Variants in ITPRIPL1 observed in about 807,000 individuals in gnomAD.
ITPRIPL1 encodes the protein ITPRIP like 1, also known as inositol 1,4,5-trisphosphate receptor-interacting protein-like 1.
In ITPRIPL1, 28 loss-of-function variants were observed where a neutral mutation model predicts 40.0. That is an observed-to-expected ratio of 0.70 (90% confidence interval 0.52 to 0.96). The LOEUF (loss-of-function observed/expected upper bound fraction) is 0.96, where lower values mean the gene tolerates loss of function less well. Among genes scored for constraint, ITPRIPL1 ranks in the 40% least tolerant of loss-of-function variants. ITPRIPL1 has a pLI of 0.00. For missense variants in ITPRIPL1, 638 were observed against 698.0 expected (o/e 0.91, Z 0.97); for synonymous variants, 251 against 275.7 (o/e 0.91, Z 0.89).
downstream of ITPRIPL1, chr2:96,328,904 G>C (rs961701700): frequency 6.6e-6 from 1 of 152,288 alleles, no homozygotes; most frequent in African/African-American, 2.4e-5. Flanking sequence ...GGGGGGCCGA[G>C]GTGGGTGTAT....
In ITPRIPL1 at chr2:96,326,928, T is replaced by C. The variant is rs758590771; in HGVS notation, c.297T>C (p.Asp99=). The change falls in exon 3 of 3, where the codon GAT becomes GAC. Residue 99 remains aspartate (D), a synonymous_variant. Coordinates refer to ENST00000439118, the MANE Select transcript of ITPRIPL1 (RefSeq NM_001008949.3). ...ACATGGGGTGGCCGTTCCAGGCCGA[T>C]GGCCAGGAAGGGCCTCTGGGCTGGA... ...KKDMGWPFQA[D]GQEGPLGWML... The C allele has an allele frequency of 4.3e-6, 7 of 1,614,212 alleles. No homozygotes were observed. In the East Asian group the frequency reaches 6.7e-5, roughly 15 times the overall value.
chr2:96,325,845 T>C lies in ITPRIPL1; in HGVS notation c.6T>C (p.Asn2=), dbSNP rs1454079055. M[N]VDAEASMAVI... is the part of the protein sequence containing the mutation. ...TCCACACGGCATAGTCCTTCATGAA[T>C]GTTGGTAAGCGCGGTAGCTTGTGAA... The change falls in exon 2 of 3, where the codon AAT becomes AAC. Residue 2 remains asparagine (N), a synonymous_variant. Transcript: ENST00000439118. 1.2e-6 allele frequency: 2 copies of C among 1,613,532 alleles called. No individual in the cohort carries two copies. The highest frequency in any genetic ancestry group is 1.7e-6 in the Non-Finnish European group (2 of 1,179,738).
chr2:96,327,781 C>T lies in ITPRIPL1; in HGVS notation c.1150C>T (p.Pro384Ser). Residue 384 changes from proline (P) to serine (S), a missense_variant, in exon 3 of 3, where the codon CCT becomes TCT. By Grantham distance (74) the Pro-to-Ser change is moderately conservative. Coordinates refer to ENST00000439118, the MANE Select transcript of ITPRIPL1 (RefSeq NM_001008949.3). ...CTTGGTCTACCTGGTGAGTCAGGCT[C>T]CTGACCAGGAGCAGCTCACCAGTGT... Reference protein sequence around the residue: ...DTLVYLVSQAPDQEQLTSVDW... With the variant: ...DTLVYLVSQASDQEQLTSVDW... 1.2e-6 allele frequency: 2 copies of T among 1,614,176 alleles called. No homozygotes were observed. The highest frequency in any genetic ancestry group is 1.7e-6 in the Non-Finnish European group (2 of 1,180,010).
chr2:96,326,802 G>A lies in ITPRIPL1; in HGVS notation c.171G>A (p.Met57Ile), dbSNP rs776156628. The change falls in exon 3 of 3, where the codon ATG becomes ATA. Residue 57 changes from methionine to isoleucine, a missense_variant. Coordinates refer to ENST00000439118, the MANE Select transcript of ITPRIPL1 (RefSeq NM_001008949.3). ...GTGAGGAGATGCGCCTGCTAGAGATGGAGTTTGAAGAGAGAAAGCGAGCCG... is the reference window on the plus strand; with the variant it reads ...GTGAGGAGATGCGCCTGCTAGAGATAGAGTTTGAAGAGAGAAAGCGAGCCG... Reference protein sequence around the residue: ...RMSEEMRLLEMEFEERKRAAE... With the variant: ...RMSEEMRLLEIEFEERKRAAE... 4.5e-5 allele frequency: 72 copies of A among 1,614,092 alleles called. No individual in the cohort carries two copies. Among genetic ancestry groups the A allele is most frequent in the Non-Finnish European group, 5.9e-5 (70 of 1,180,052 alleles).
Position 96,328,200 on chromosome 2 carries a change from G to A in ITPRIPL1, c.1569G>A (p.Val523=), listed in dbSNP as rs753159859. 3 of 1,614,080 alleles carry A rather than the reference G, an allele frequency of 1.9e-6. No individual in the cohort carries two copies. Among genetic ancestry groups the A allele is most frequent in the Non-Finnish European group, 2.5e-6 (3 of 1,180,010 alleles). Reference sequence around the variant, plus strand: ...CGGTCAATCTCTTCCAACACCTGGTGCTCAACCCCAAGGCACATTCACAGG... The same window carrying A: ...CGGTCAATCTCTTCCAACACCTGGTACTCAACCCCAAGGCACATTCACAGG... ...AEPVNLFQHL[V]LNPKAHSQAV... The change falls in exon 3 of 3, where the codon GTG becomes GTA. Residue 523 remains valine, a synonymous_variant. Coordinates refer to ENST00000439118, the MANE Select transcript of ITPRIPL1 (RefSeq NM_001008949.3).
Position 96,328,327 on chromosome 2 carries a change from G to T in ITPRIPL1, c.*28G>T. On this transcript the variant is annotated 3_prime_UTR_variant, in exon 3 of 3. Coordinates refer to ENST00000439118, the MANE Select transcript of ITPRIPL1 (RefSeq NM_001008949.3). ...TAAAGACCATTAAAAAAAAAACAGA[G>T]GAAGGTATTTCTAATTCCTTGGGCT... 6.4e-7 allele frequency: 1 copy of T among 1,568,178 alleles called. No individual in the cohort carries two copies. The highest frequency in any genetic ancestry group is 1.2e-5 in the South Asian group (1 of 84,046).
chr2:96,326,175 A>G (rs1319309364), intron 2 of ITPRIPL1: 15 of 1,469,256 alleles, frequency 1.0e-5, no homozygotes, highest in Non-Finnish European at 1.4e-5. Flanking sequence ...TCACAGAGGA[A>G]GTGGAATGCT....
In ITPRIPL1 at chr2:96,327,957, C is replaced by T; in HGVS notation, c.1326C>T (p.Pro442=). The T allele has an allele frequency of 6.2e-7, 1 of 1,614,140 alleles. No individual in the cohort carries two copies. The highest frequency in any genetic ancestry group is 1.7e-5 in the Admixed American group (1 of 60,012). The stretch of plus-strand genomic sequence containing the variant: ...GCTTACCCCATGGAGCATCCCGCCC[C>T]ATCCTCACTTCTTACCATTTTAAAA... ...HQSLPHGASR[P]ILTSYHFKTA... is the part of the protein sequence containing the mutation. The change falls in exon 3 of 3, where the codon CCC becomes CCT. Residue 442 remains proline (P), a synonymous_variant. Transcript: ENST00000439118.
Position 96,327,255 on chromosome 2 carries a change from G to T in ITPRIPL1, c.624G>T (p.Glu208Asp). ...CCTGTCGGGTGCTCAGCCGCCAAGA[G>T]GCTCACCCACAATTGGAAGACTGCC... Reference protein sequence around the residue: ...IEACRVLSRQEAHPQLEDCLG... With the variant: ...IEACRVLSRQDAHPQLEDCLG... Residue 208 changes from glutamate (E) to aspartate (D), a missense_variant, in exon 3 of 3, where the codon GAG becomes GAT. Transcript: ENST00000439118. 1 of 1,614,128 alleles carries T rather than the reference G, an allele frequency of 6.2e-7. No individual in the cohort carries two copies. Among genetic ancestry groups the T allele is most frequent in the South Asian group, 1.1e-5 (1 of 91,080 alleles).
chr2:96,329,156 TATATATATATATATATATA>T, downstream of ITPRIPL1: 1 of 30,044 alleles, frequency 3.3e-5, no homozygotes, highest in Non-Finnish European at 6.3e-5. Flanking sequence ...AAATTATATA[TATATATATATATATATATA>T]TATATATATA....
At chr2:96,326,298 T>A in intron 2 of ITPRIPL1, 1 of 1,454,224 alleles carries the variant, frequency 6.9e-7, no homozygotes, top group Non-Finnish European at 9.1e-7. Flanking sequence ...CATGGTTGAC[T>A]GAGGAGTCGG....
At chr2:96,325,691 G>C (rs2064099368) in intron 1 of ITPRIPL1, 56 bp from the exon 2 acceptor site, 1 of 734,096 alleles carries the variant, frequency 1.4e-6, no homozygotes, top group African/African-American at 1.7e-5. Context: ...TGAATGGGGG[G>C]AGGGTCGGGT....
downstream of ITPRIPL1, chr2:96,329,324 C>T (rs1290217864): frequency 2.0e-5 from 3 of 151,144 alleles, no homozygotes; most frequent in African/African-American, 7.3e-5. Flanking sequence ...TCAATAGTAA[C>T]CTGTCTCATA....
In ITPRIPL1 at chr2:96,328,197, G is replaced by A; in HGVS notation, c.1566G>A (p.Leu522=). 1 of 1,614,016 alleles carries A rather than the reference G, an allele frequency of 6.2e-7. No homozygotes were observed. The highest frequency in any genetic ancestry group is 8.5e-7 in the Non-Finnish European group (1 of 1,180,022). Residue 522 remains leucine, a synonymous_variant, in exon 3 of 3, where the codon CTG becomes CTA. Coordinates refer to ENST00000439118, the MANE Select transcript of ITPRIPL1 (RefSeq NM_001008949.3). ...NAEPVNLFQH[L]VLNPKAHSQA... ...AGCCGGTCAATCTCTTCCAACACCT[G>A]GTGCTCAACCCCAAGGCACATTCAC...
rs536363307 is a variant in ITPRIPL1, at chr2:96,325,343, G to A, written c.-316G>A. On this transcript the variant is annotated 5_prime_UTR_variant, in exon 1 of 3. Transcript: ENST00000439118. The stretch of plus-strand genomic sequence containing the variant: ...GACGGCGGGAGCGGCTGCGGCGCGC[G>A]GGCGCCCTCGGAGCCGCGTGCTGGG... 1 of 156,968 alleles carries A rather than the reference G, an allele frequency of 6.4e-6. No homozygotes were observed. The highest frequency in any genetic ancestry group is 1.4e-5 in the Non-Finnish European group (1 of 71,078). 9.7% of individuals were successfully genotyped at this position (156,968 alleles called of 1,614,324 possible).
At chr2:96,329,712 T>G (rs985269067), downstream of ITPRIPL1, 1 of 152,162 alleles carries the variant, frequency 6.6e-6, no homozygotes, top group Non-Finnish European at 1.5e-5. Context: ...TCTAGAGATA[T>G]AATTGGTGTA....
chr2:96,326,114 T>C, intron 2 of ITPRIPL1: 1 of 1,433,900 alleles, frequency 7.0e-7, no homozygotes, highest in South Asian at 1.2e-5. Context: ...AGGGAGAGGC[T>C]GAGTGATGAG....
chr2:96,328,312 T>C lies in ITPRIPL1; in HGVS notation c.*13T>C, dbSNP rs764428654. On this transcript the variant is annotated 3_prime_UTR_variant, in exon 3 of 3. Transcript: ENST00000439118. ...TGCAGCACCTTGATGTAAAGACCATTAAAAAAAAAACAGAGGAAGGTATTT... is the reference window on the plus strand; with the variant it reads ...TGCAGCACCTTGATGTAAAGACCATCAAAAAAAAAACAGAGGAAGGTATTT... The C allele has an allele frequency of 7.3e-7, 1 of 1,363,694 alleles. No individual in the cohort carries two copies. Among genetic ancestry groups the C allele is most frequent in the Non-Finnish European group, 9.9e-7 (1 of 1,013,326 alleles). The allele number at this position is 1,363,694 out of a possible 1,614,324, so 84.5% of individuals were successfully genotyped here.
downstream of ITPRIPL1, chr2:96,328,786 G>A (rs1225487013): frequency 6.5e-6 from 1 of 153,148 alleles, no homozygotes; most frequent in African/African-American, 2.4e-5. Flanking sequence ...CAAATACTGT[G>A]ATGGGCAACT....
Sources: gnomAD v4.1 joint callset for allele counts on GRCh38, gnomAD v4.1.1 for gene constraint, MANE v1.5 for transcripts, NCBI Gene and HGNC (gene_info 2026-07-23, HGNC 2026-07-21) for gene names.